PTPRF: variants seen among roughly 807,000 people sequenced by gnomAD.
The protein encoded by PTPRF is receptor-type tyrosine-protein phosphatase F.
Under a neutral mutation model 201.8 loss-of-function variants are expected in PTPRF, and 59 were observed. The ratio of observed to expected loss-of-function variants is 0.29; its 90% CI spans 0.24 to 0.36. PTPRF has a LOEUF of 0.36. Ranked by LOEUF, PTPRF falls within the 10% of genes least tolerant of loss-of-function variation. The pLI, the probability that PTPRF is intolerant of heterozygous loss-of-function variation, is 1.00. For synonymous variants in PTPRF, 1,088 were observed against 1,089.7 expected, an observed-to-expected ratio of 1.00 and a Z score of 0.03; for missense variants, 2,132 against 2,690.5, an observed-to-expected ratio of 0.79 and a Z score of 4.59.
chr1:43,565,200 G>T (rs1034721777), intron 5 of PTPRF, among the ~76,000 whole-genome samples: 1 of 152,048 alleles, frequency 6.6e-6, no homozygotes, highest in African/African-American at 2.4e-5. Flanking sequence ...GAGTCAAACC[G>T]ATCAGCTCCA....
chr1:43,588,808 T>C lies in PTPRF; in HGVS notation c.757T>C (p.Cys253Arg). The change falls in exon 8 of 34, where the codon TGC (cysteine) becomes CGC (arginine). Residue 253 changes from cysteine (C) to arginine (R), a missense_variant. Coordinates refer to ENST00000359947, the MANE Select transcript of PTPRF (RefSeq NM_002840.5). The surrounding 1 kb of genome is among the most constrained non-coding windows in gnomAD (Gnocchi z 5.3). ...VMPGGSVNLT[C>R]VAVGAPMPYV... is the part of the protein sequence containing the mutation. Reference sequence around the variant, plus strand: ...GCCAGGCGGCAGCGTGAACCTGACATGCGTGGCAGTGGGTGCACCCATGCC... The same window carrying C: ...GCCAGGCGGCAGCGTGAACCTGACACGCGTGGCAGTGGGTGCACCCATGCC... The C allele has an allele frequency of 6.2e-7, 1 of 1,614,026 alleles. No homozygotes were observed. The highest frequency in any genetic ancestry group is 8.5e-7 in the Non-Finnish European group (1 of 1,180,020).
intron 7 of PTPRF, chr1:43,582,559 C>T (rs1647978340): frequency 8.8e-6 from 1 of 113,880 alleles, no homozygotes; most frequent in Non-Finnish European, 1.8e-5. Flanking sequence ...TTCCCCCTTT[C>T]TCTAGGGACC....
chr1:43,614,436 T>G (rs538365132), intron 23 of PTPRF, among the ~76,000 whole-genome samples: 7 of 152,312 alleles, frequency 4.6e-5, no homozygotes, highest in African/African-American at 1.4e-4. Flanking sequence ...AGGAGCCTGC[T>G]GGGGGCTGAG....
chr1:43,558,762 G>C (rs1346183946), intron 5 of PTPRF, among the ~76,000 whole-genome samples: 1 of 152,202 alleles, frequency 6.6e-6, no homozygotes, highest in Non-Finnish European at 1.5e-5. Flanking sequence ...GAGCCCTGGG[G>C]GAGGGGAGGG....
intron 23 of PTPRF, 93 bp from the exon 24 acceptor site, chr1:43,617,352 G>A (rs1658115460): frequency 6.5e-7 from 1 of 1,545,338 alleles, no homozygotes; most frequent in Non-Finnish European, 8.8e-7. Context: ...AAGGCAGGAT[G>A]TGAGCATCAC....
At chr1:43,530,146 T>C (rs560865924), upstream of PTPRF, among the ~76,000 whole-genome samples, 1 of 152,014 alleles carries the variant, frequency 6.6e-6, no homozygotes, top group Non-Finnish European at 1.5e-5. The surrounding 1 kb of genome is among the most constrained non-coding windows in gnomAD (Gnocchi z 4.1). Flanking sequence ...CAGGTCAGTA[T>C]CTGTGTTTGG....
At chr1:43,605,845 A>T (rs1352787400) in intron 19 of PTPRF, among the ~76,000 whole-genome samples, 1 of 152,168 alleles carries the variant, frequency 6.6e-6, no homozygotes, top group Non-Finnish European at 1.5e-5. Context: ...CTGGGGTGGG[A>T]TGTCGTGGAG....
Position 43,619,426 on chromosome 1 carries a change from C to A in PTPRF, c.4785C>A (p.Asp1595Glu). Residue 1595 changes from aspartate (D) to glutamate (E), a missense_variant, in exon 28 of 34, where the codon GAC becomes GAA. By Grantham distance (45) the Asp-to-Glu change is conservative (BLOSUM62 2). This residue lies in a region of PTPRF where 519 missense variants were observed against 659.5 expected (regional missense o/e 0.79). Transcript: ENST00000359947. ...SQRNYMVQTE[D>E]QYVFIHEALL... Reference sequence around the variant, plus strand: ...GGAACTACATGGTGCAGACGGAGGACCAGTACGTGTTCATCCATGAGGCGC... The same window carrying A: ...GGAACTACATGGTGCAGACGGAGGAACAGTACGTGTTCATCCATGAGGCGC... 1 of 1,614,110 alleles carries A rather than the reference C, an allele frequency of 6.2e-7. No homozygotes were observed. The highest frequency in any genetic ancestry group is 8.5e-7 in the Non-Finnish European group (1 of 1,180,044).
At chr1:43,582,829 G>A (rs964969715) in intron 7 of PTPRF, among the ~76,000 whole-genome samples, 9 of 152,212 alleles carry the variant, frequency 5.9e-5, no homozygotes, top group African/African-American at 1.4e-4. Flanking sequence ...CCTCCCTGGC[G>A]CCTGCTGGCG....
chr1:43,524,178 C>T (rs1643031488), upstream of PTPRF, among the ~76,000 whole-genome samples: 1 of 151,862 alleles, frequency 6.6e-6, no homozygotes, highest in Admixed American at 6.6e-5. Flanking sequence ...TACGCAAAGG[C>T]ATACAGGTTG....
chr1:43,605,735 C>T, intron 19 of PTPRF, 113 bp downstream of exon 19: 1 of 1,065,920 alleles, frequency 9.4e-7, no homozygotes, highest in South Asian at 1.4e-5. Context: ...AAATTGAAAT[C>T]TCTCTTCTGG....
intron 31 of PTPRF, 46 bp downstream of exon 31, chr1:43,620,625 G>T: frequency 1.3e-6 from 2 of 1,598,446 alleles, no homozygotes; most frequent in South Asian, 1.1e-5. Flanking sequence ...CTGTCCACAC[G>T]CTGGGTGGAT....
At position 43,602,064 on chromosome 1, in the gene PTPRF, CG is replaced by C. The variant is rs750177739; in HGVS notation, c.2314-5del. 1.6e-5 allele frequency: 25 copies of C among 1,612,532 alleles called. No individual in the cohort carries two copies. In the Admixed American group the frequency reaches 3.3e-4, roughly 21 times the overall value. ...TGTCTCCCTTTCTCTCCCTCTCCCG[CG>C]GTCAGTGGCGGCCAGAGGAGTCCGA... On this transcript the variant is annotated splice_region_variant and splice_polypyrimidine_tract_variant and intron_variant, in intron 13 of 33. Transcript: ENST00000359947.
At position 43,603,762 on chromosome 1, in the gene PTPRF, C is replaced by A; in HGVS notation, c.2610C>A (p.Phe870Leu). ...AGGCGCGGCCCAACACCATAGATTT[C>A]GGCAAGGATGACCAGCACTTCACAG... The part of the protein sequence containing the change: ...ADEARPNTID[F>L]GKDDQHFTVT... The change falls in exon 16 of 34, where the codon TTC becomes TTA. Residue 870 changes from phenylalanine to leucine, a missense_variant. By Grantham distance (22) the Phe-to-Leu change is conservative. This residue lies in a region of PTPRF where 818 missense variants were observed against 915.3 expected (regional missense o/e 0.89). Transcript: ENST00000359947. The surrounding 1 kb of genome is among the most constrained non-coding windows in gnomAD (Gnocchi z 5.8). The A allele has an allele frequency of 6.2e-7, 1 of 1,613,994 alleles. No homozygotes were observed. The highest frequency in any genetic ancestry group is 8.5e-7 in the Non-Finnish European group (1 of 1,180,034).
In PTPRF at chr1:43,588,523, C is replaced by T. The variant is rs1215570504; in HGVS notation, c.680-208C>T. Among the ~76,000 whole-genome samples, 1 of 152,194 alleles carries T rather than the reference C, an allele frequency of 6.6e-6. No individual in the cohort carries two copies. Among genetic ancestry groups the T allele is most frequent in the Non-Finnish European group, 1.5e-5 (1 of 68,034 alleles). On this transcript the variant is annotated intron_variant, in intron 7 of 33. Coordinates refer to ENST00000359947, the MANE Select transcript of PTPRF (RefSeq NM_002840.5). The surrounding 1 kb of genome is among the most constrained non-coding windows in gnomAD (Gnocchi z 5.3). ...ATTGAGTAAGTCATCGTGCTCCAGA[C>T]AGTCCCTGAGTGTGGGGGCCACTTC...
At chr1:43,540,373 G>GA (rs1374688809) in intron 2 of PTPRF, among the ~76,000 whole-genome samples, 3 of 152,194 alleles carry the variant, frequency 2.0e-5, no homozygotes, top group Non-Finnish European at 2.9e-5. Context: ...CACTTGAGCA[G>GA]AGTTCTGAGG....
intron 6 of PTPRF, among the ~76,000 whole-genome samples, chr1:43,574,563 G>T (rs572167678): frequency 2.0e-5 from 3 of 152,322 alleles, no homozygotes; most frequent in Admixed American, 1.3e-4. Context: ...TAGGGCAATT[G>T]TGATAGCACA....
chr1:43,558,020 TG>T (rs2153976900), intron 5 of PTPRF, among the ~76,000 whole-genome samples: 1 of 151,656 alleles, frequency 6.6e-6, no homozygotes, highest in Admixed American at 6.5e-5. Flanking sequence ...TCAAGAAAGC[TG>T]GGTGCCTGCA....
In PTPRF at chr1:43,606,354, T is replaced by C. The variant is rs1292584776; in HGVS notation, c.3598T>C (p.Leu1200=). 2.5e-6 allele frequency: 4 copies of C among 1,614,014 alleles called. No homozygotes were observed. The highest frequency in any genetic ancestry group is 2.2e-5 in the South Asian group (2 of 91,088). The change falls in exon 20 of 34, where the codon TTG becomes CTG. Residue 1200 remains leucine (L), a synonymous_variant. Coordinates refer to ENST00000359947, the MANE Select transcript of PTPRF (RefSeq NM_002840.5). ...GGATGTGCTCCCGGAGACCTTTACC[T>C]TGGGGGACAAGAAGAACTACCGGGG... is the stretch of plus-strand genomic sequence containing the variant. ...QLDVLPETFT[L]GDKKNYRGFY...
Sources: allele counts gnomAD v4.1 joint callset (sites outside exome capture counted in the v4.1 genomes callset), GRCh38; gene constraint gnomAD v4.1.1; regional missense constraint gnomAD v4.1.1; non-coding constraint Gnocchi (gnomAD v3.1); transcripts MANE v1.5; gene names NCBI Gene and HGNC (gene_info 2026-07-23, HGNC 2026-07-21).